SESN3: variants seen among roughly 807,000 people sequenced by gnomAD.
The protein encoded by SESN3 is sestrin-3.
Under a neutral mutation model 55.3 loss-of-function variants are expected in SESN3, and 21 were observed. The observed-to-expected ratio is 0.38, with a 90% CI of 0.27 to 0.55. The LOEUF (loss-of-function observed/expected upper bound fraction) is 0.55, where lower values mean the gene tolerates loss of function less well. Among genes scored for constraint, SESN3 ranks in the 20% least tolerant of loss-of-function variants. The pLI, the probability that SESN3 is intolerant of heterozygous loss-of-function variation, is 0.76. For synonymous variants in SESN3, 181 were observed against 203.1 expected (o/e 0.89, Z 0.93); for missense variants, 408 against 604.3 (o/e 0.68, Z 3.41).
chr11:95,207,390 G>A (rs1860570322), intron 1 of SESN3, among the ~76,000 whole-genome samples: 2 of 151,418 alleles, frequency 1.3e-5, no homozygotes. Flanking sequence ...TAAAACCTGA[G>A]TTATTTTCCC....
chr11:95,218,059 G>A (rs1029198154), intron 1 of SESN3, among the ~76,000 whole-genome samples: 1 of 152,140 alleles, frequency 6.6e-6, no homozygotes. Context: ...TGTCCCCTCT[G>A]GAGTAAGTGT....
chr11:95,173,942 AAT>A (rs1227325395), intron 9 of SESN3, among the ~76,000 whole-genome samples: 2 of 152,126 alleles, frequency 1.3e-5, no homozygotes, highest in South Asian at 2.1e-4. Flanking sequence ...TTACTATAAA[AAT>A]ATGTTTTAAT....
intron 1 of SESN3, among the ~76,000 whole-genome samples, chr11:95,227,391 A>G (rs1227258347): frequency 6.6e-6 from 1 of 152,016 alleles, no homozygotes; most frequent in African/African-American, 2.4e-5. Flanking sequence ...TTTTTAGTAG[A>G]TATGGGGTTT....
intron 1 of SESN3, among the ~76,000 whole-genome samples, chr11:95,226,111 A>G (rs1860944162): frequency 6.6e-6 from 1 of 152,208 alleles, no homozygotes; most frequent in Admixed American, 6.5e-5. Flanking sequence ...TAAACAGGAC[A>G]GAAAAGTGAG....
At chr11:95,191,653 CT>C in intron 2 of SESN3, 52 bp from the exon 3 acceptor site, 1 of 1,410,390 alleles carries the variant, frequency 7.1e-7, no homozygotes, top group South Asian at 1.2e-5. Context: ...TAAACACACC[CT>C]TGGTTTAAAT....
Position 95,177,791 on chromosome 11 carries a change from G to C in SESN3, c.1175C>G (p.Thr392Ser). The change falls in exon 8 of 10, where the codon ACC becomes AGC. Residue 392 changes from threonine to serine, a missense_variant. Transcript: ENST00000536441. ...CATGGTTGTGTCAACATCCTCATGG[G>C]TGGCCATAGTGTTATATGTGAGATT... ...VYNLTYNTMA[T>S]HEDVDTTMLR... 9.3e-6 allele frequency: 15 copies of C among 1,610,300 alleles called. No homozygotes were observed. Among genetic ancestry groups the C allele is most frequent in the Non-Finnish European group, 1.2e-5 (14 of 1,178,808 alleles).
chr11:95,182,110 C>A, intron 6 of SESN3: 1 of 306,934 alleles, frequency 3.3e-6, no homozygotes, highest in Non-Finnish European at 6.4e-6. Flanking sequence ...GGCTGTAGTC[C>A]CAGCTTAAAG....
intron 1 of SESN3, among the ~76,000 whole-genome samples, chr11:95,205,811 T>C (rs898907191): frequency 6.6e-6 from 1 of 152,156 alleles, no homozygotes. Flanking sequence ...TCACCACCTG[T>C]TCACAAACTT....
rs1859784715 is a variant in SESN3 at position 95,168,131 on chromosome 11, G to A, written c.*5124C>T. The A allele has an allele frequency of 6.6e-6, 1 of 152,094 alleles. No individual in the cohort carries two copies. 9.4% of individuals were successfully genotyped at this position (152,094 alleles called of 1,614,324 possible). On this transcript the variant is annotated 3_prime_UTR_variant, in exon 10 of 10. Transcript: ENST00000536441. Reference sequence around the variant, plus strand: ...ACCATCTAAATACCCTTTGCCATATGTCATTCTATTAGAAATGTGTTTCAA... The same window carrying A: ...ACCATCTAAATACCCTTTGCCATATATCATTCTATTAGAAATGTGTTTCAA...
At position 95,230,733 on chromosome 11, in the gene SESN3, G is replaced by GGCCGGCAGGAAGCGACCCTC. The variant is rs770179880; in HGVS notation, c.78+30_78+49dup. 1 of 1,457,520 alleles carries GGCCGGCAGGAAGCGACCCTC rather than the reference G, an allele frequency of 6.9e-7. No individual in the cohort carries two copies. The highest frequency in any genetic ancestry group is 1.2e-5 in the South Asian group (1 of 86,172). 90.3% of individuals were successfully genotyped at this position (1,457,520 alleles called of 1,614,324 possible). On this transcript the variant is annotated intron_variant, in intron 1 of 9. Coordinates refer to ENST00000536441, the MANE Select transcript of SESN3 (RefSeq NM_144665.4). The surrounding 1 kb of genome is among the most constrained non-coding windows in gnomAD (Gnocchi z 4.6). ...CCCGGGGACGAGCCGCCCGAGCCCC[G>GGCCGGCAGGAAGCGACCCTC]GCCGGCAGGAAGCGACCCTCGCCGG...
At chr11:95,189,540 C>T (rs1272446861) in intron 4 of SESN3, among the ~76,000 whole-genome samples, 1 of 151,872 alleles carries the variant, frequency 6.6e-6, no homozygotes, top group Non-Finnish European at 1.5e-5. Context: ...TTTAGTCTAT[C>T]TACTACTTAA....
rs544818925 is a variant in SESN3, at chr11:95,177,637, T to C, written c.1247+82A>G. ...GTAATATTTTCTTCCCAGAGTCATA[T>C]ACTCCCAAACAGGACAAAAATAAGA... is the stretch of plus-strand genomic sequence containing the variant. On this transcript the variant is annotated intron_variant, in intron 8 of 9. Transcript: ENST00000536441. 1.6e-4 allele frequency: 149 copies of C among 957,948 alleles called. No homozygotes were observed. In the African/African-American group the frequency reaches 2.3e-3, roughly 15 times the overall value. 59.3% of individuals were successfully genotyped at this position (957,948 alleles called of 1,614,324 possible).
chr11:95,205,156 A>G (rs1333975760), intron 1 of SESN3, among the ~76,000 whole-genome samples: 1 of 152,216 alleles, frequency 6.6e-6, no homozygotes, highest in African/African-American at 2.4e-5. Flanking sequence ...CGAGGGAACT[A>G]TGTTGTTCTA....
Position 95,230,725 on chromosome 11 carries a change from C to G in SESN3, c.78+58G>C. The G allele has an allele frequency of 2.9e-6, 4 of 1,387,082 alleles. No homozygotes were observed. Among genetic ancestry groups the G allele is most frequent in the Admixed American group, 1.8e-5 (1 of 54,674 alleles). 85.9% of individuals were successfully genotyped at this position (1,387,082 alleles called of 1,614,324 possible). A position where few individuals can be genotyped will look rare whatever the true frequency, so the allele number is the denominator to read the frequency against. ...AGTGCGCGCCCGGGGACGAGCCGCC[C>G]GAGCCCCGGCCGGCAGGAAGCGACC... On this transcript the variant is annotated intron_variant, in intron 1 of 9. Transcript: ENST00000536441. This position sits in a 1 kb window ranked among gnomAD's most constrained non-coding sequence, Gnocchi z 4.6.
chr11:95,230,959 G>T lies in SESN3; in HGVS notation c.-99C>A, dbSNP rs1861049397. 2 of 742,950 alleles carry T rather than the reference G, an allele frequency of 2.7e-6. No individual in the cohort carries two copies. The highest frequency in any genetic ancestry group is 3.9e-6 in the Non-Finnish European group (2 of 509,734). 46.0% of individuals were successfully genotyped at this position (742,950 alleles called of 1,614,324 possible). ...GGTCCGTCCCCCCGCCGCCAGCCGC[G>T]ATTCCGCCTCAGCCTCCTCAAGGCG... is the stretch of plus-strand genomic sequence containing the variant. On this transcript the variant is annotated 5_prime_UTR_variant, in exon 1 of 10. Coordinates refer to ENST00000536441, the MANE Select transcript of SESN3 (RefSeq NM_144665.4). The surrounding 1 kb of genome is among the most constrained non-coding windows in gnomAD (Gnocchi z 4.6).
At chr11:95,205,410 T>G (rs1860529791) in intron 1 of SESN3, among the ~76,000 whole-genome samples, 3 of 152,124 alleles carry the variant, frequency 2.0e-5, no homozygotes, top group Non-Finnish European at 4.4e-5. Context: ...TTTGGGTTAA[T>G]TAAGCAGTAT....
rs2134202795 is a variant in SESN3 at position 95,168,459 on chromosome 11, T to C, written c.*4796A>G. 1 of 152,360 alleles carries C rather than the reference T, an allele frequency of 6.6e-6. No individual in the cohort carries two copies. Among genetic ancestry groups the C allele is most frequent in the East Asian group, 1.9e-4 (1 of 5,196 alleles). The allele number at this position is 152,360 out of a possible 1,614,324, so 9.4% of individuals were successfully genotyped here. ...ACTTTGATAGAAGGCAAAAATCTTT[T>C]ATGATTTATTTAAAATATGGAAGTT... is the stretch of plus-strand genomic sequence containing the variant. On this transcript the variant is annotated 3_prime_UTR_variant, in exon 10 of 10. Coordinates refer to ENST00000536441, the MANE Select transcript of SESN3 (RefSeq NM_144665.4).
intron 1 of SESN3, among the ~76,000 whole-genome samples, chr11:95,213,820 T>C (rs1335669675): frequency 6.6e-6 from 1 of 152,160 alleles, no homozygotes; most frequent in East Asian, 1.9e-4. Flanking sequence ...CAATCCTATA[T>C]CTAAGCTTCT....
At chr11:95,214,237 G>A (rs186053094) in intron 1 of SESN3, among the ~76,000 whole-genome samples, 8 of 152,262 alleles carry the variant, frequency 5.3e-5, no homozygotes, top group South Asian at 2.1e-4. Context: ...CAGCCCATGC[G>A]TAAGGAACTT....
Sources: allele counts gnomAD v4.1 joint callset (sites outside exome capture counted in the v4.1 genomes callset), GRCh38; gene constraint gnomAD v4.1.1; non-coding constraint Gnocchi (gnomAD v3.1); transcripts MANE v1.5; gene names NCBI Gene and HGNC (gene_info 2026-07-23, HGNC 2026-07-21).